The following P2RX7 variants were observed in gnomAD, a reference collection of about 807,000 sequenced individuals.
P2RX7 encodes purinergic receptor P2X 7.
P2RX7 carries 62 observed loss-of-function variants against 71.6 expected under a neutral mutation model. The ratio of observed to expected loss-of-function variants is 0.87; its 90% CI spans 0.71 to 1.07. The LOEUF (loss-of-function observed/expected upper bound fraction) is 1.07, where lower values mean the gene tolerates loss of function less well. Ranked by LOEUF, P2RX7 falls within the 50% of genes least tolerant of loss-of-function variation. The pLI, the probability that P2RX7 is intolerant of heterozygous loss-of-function variation, is 0.00. For missense variants in P2RX7, 686 were observed against 748.5 expected, an observed-to-expected ratio of 0.92 and a Z score of 0.97; for synonymous variants, 299 against 283.3, an observed-to-expected ratio of 1.06 and a Z score of -0.56.
intron 2 of P2RX7, among the ~76,000 whole-genome samples, 166 bp from the exon 3 acceptor site, chr12:121,155,913 C>A (rs768080706): frequency 6.6e-6 from 1 of 152,212 alleles, no homozygotes; most frequent in African/African-American, 2.4e-5. Context: ...CAGGGCTGCT[C>A]GTCCAGCTTT....
At position 121,154,754 on chromosome 12, in the gene P2RX7, C is replaced by A; in HGVS notation, c.126-31C>A. The A allele has an allele frequency of 6.8e-7, 1 of 1,470,132 alleles. No homozygotes were observed. Among genetic ancestry groups the A allele is most frequent in the South Asian group, 1.1e-5 (1 of 88,168 alleles). 91.1% of individuals were successfully genotyped at this position (1,470,132 alleles called of 1,614,324 possible). On this transcript the variant is annotated intron_variant, in intron 1 of 12. Coordinates refer to ENST00000328963, the MANE Select transcript of P2RX7 (RefSeq NM_002562.6). The surrounding 1 kb of genome is among the most constrained non-coding windows in gnomAD (Gnocchi z 4.2). ...ATCCCAACCCGCTGTGCTATGCCTC[C>A]CGTTGATGCTTTCCCATGTCTGCCA... is the stretch of plus-strand genomic sequence containing the variant.
In P2RX7 at chr12:121,185,680, T is replaced by A. The variant is rs1884816434; in HGVS notation, c.*878T>A. 6.6e-6 allele frequency: 1 copy of A among 152,610 alleles called. No individual in the cohort carries two copies. Among genetic ancestry groups the A allele is most frequent in the South Asian group, 2.1e-4 (1 of 4,826 alleles). The allele number at this position is 152,610 out of a possible 1,614,324, so 9.5% of individuals were successfully genotyped here. ...GAAGTGACATTGTGTCAGTTTCAGA[T>A]CCTGATCTTAAGAGGCTGACAGCTT... On this transcript the variant is annotated 3_prime_UTR_variant, in exon 13 of 13. Transcript: ENST00000328963.
intron 1 of P2RX7, among the ~76,000 whole-genome samples, chr12:121,152,888 C>T (rs1324293994): frequency 6.6e-6 from 1 of 152,238 alleles, no homozygotes; most frequent in Admixed American, 6.5e-5. Flanking sequence ...TAGGTTATTT[C>T]CTGCTTTCCC....
At chr12:121,160,219 C>T (rs1250870065) in intron 3 of P2RX7, among the ~76,000 whole-genome samples, 1 of 151,872 alleles carries the variant, frequency 6.6e-6, no homozygotes, top group East Asian at 1.9e-4. Context: ...GCAATCTCAG[C>T]TCACTGCAAC....
intron 1 of P2RX7, among the ~76,000 whole-genome samples, chr12:121,144,322 T>C (rs1875667757): frequency 6.6e-6 from 1 of 152,170 alleles, no homozygotes; most frequent in South Asian, 2.1e-4. Context: ...CTCAGCTTCC[T>C]GAGTAGCTGG....
At chr12:121,176,535 G>A (rs2686377) in intron 9 of P2RX7, among the ~76,000 whole-genome samples, 53,871 of 151,564 alleles carry the variant, frequency 0.36, 9,859 homozygotes, top group Non-Finnish European at 0.4. Context: ...GGTGGATCAT[G>A]AGGTCAGGAG....
In P2RX7 at chr12:121,187,259, AC is replaced by A. The variant is rs916738103; in HGVS notation, c.*2459del. ...GTTACCATTTTGATACCTTTTAAAAACCAGCAGCTTTCTACTATATTCATGT... is the reference window on the plus strand; with the variant it reads ...GTTACCATTTTGATACCTTTTAAAAACAGCAGCTTTCTACTATATTCATGT... On this transcript the variant is annotated 3_prime_UTR_variant, in exon 13 of 13. Coordinates refer to ENST00000328963, the MANE Select transcript of P2RX7 (RefSeq NM_002562.6). The A allele has an allele frequency of 1.4e-4, 22 of 152,338 alleles. No homozygotes were observed. The highest frequency in any genetic ancestry group is 5.1e-4 in the African/African-American group (21 of 41,578). The allele number at this position is 152,338 out of a possible 1,614,324, so 9.4% of individuals were successfully genotyped here. A position where few individuals can be genotyped will look rare whatever the true frequency, so the allele number is the denominator to read the frequency against.
chr12:121,163,618 T>C (rs571579076), intron 5 of P2RX7, among the ~76,000 whole-genome samples: 2 of 140,876 alleles, frequency 1.4e-5, no homozygotes, highest in Non-Finnish European at 3.0e-5. Context: ...GATAGATAGA[T>C]AGATAGATAG....
chr12:121,152,453 A>G (rs1341884364), intron 1 of P2RX7, among the ~76,000 whole-genome samples: 1 of 152,022 alleles, frequency 6.6e-6, no homozygotes, highest in Non-Finnish European at 1.5e-5. Flanking sequence ...TGTGGCCTCC[A>G]GAGTAGCTGG....
intron 8 of P2RX7, among the ~76,000 whole-genome samples, chr12:121,173,226 C>T (rs1016068338): frequency 3.3e-5 from 5 of 152,204 alleles, no homozygotes; most frequent in African/African-American, 1.2e-4. Flanking sequence ...TACTCTCTCA[C>T]TCAGGCCGGA....
intron 5 of P2RX7, among the ~76,000 whole-genome samples, chr12:121,165,053 A>T (rs188724194): frequency 1.6e-3 from 243 of 152,240 alleles, no homozygotes; most frequent in Middle Eastern, 6.8e-3. Flanking sequence ...CGCCCCCATG[A>T]TTCAGTCACC....
Position 121,184,383 on chromosome 12 carries a change from G to A in P2RX7, c.1369G>A (p.Glu457Lys), listed in dbSNP as rs768324043. 1.9e-6 allele frequency: 3 copies of A among 1,614,144 alleles called. No homozygotes were observed. The highest frequency in any genetic ancestry group is 2.5e-6 in the Non-Finnish European group (3 of 1,180,032). ...HDTPPIPGQP[E>K]EIQLLRKEAT... ...CACACCCCCGATTCCTGGACAACCA[G>A]AGGAGATACAGCTGCTTAGAAAGGA... is the stretch of plus-strand genomic sequence containing the variant. The change falls in exon 13 of 13, where the codon GAG becomes AAG. Residue 457 changes from glutamate to lysine, a missense_variant. Coordinates refer to ENST00000328963, the MANE Select transcript of P2RX7 (RefSeq NM_002562.6).
chr12:121,150,359 G>A (rs540330054), intron 1 of P2RX7, among the ~76,000 whole-genome samples: 31 of 152,350 alleles, frequency 2.0e-4, no homozygotes, highest in African/African-American at 7.2e-4. Context: ...GGATAAATAT[G>A]AGAGATCAGA....
intron 4 of P2RX7, among the ~76,000 whole-genome samples, 173 bp downstream of exon 4, chr12:121,161,147 G>C (rs1302148601): frequency 6.6e-6 from 1 of 152,176 alleles, no homozygotes; most frequent in African/African-American, 2.4e-5. Flanking sequence ...CAGACCAGCT[G>C]CTGACTGTAA....
At chr12:121,167,730 C>G in intron 8 of P2RX7, 106 bp downstream of exon 8, 1 of 1,015,756 alleles carries the variant, frequency 9.8e-7, no homozygotes, top group East Asian at 2.9e-5. Flanking sequence ...TGAAAAAAGA[C>G]TTTCTCTAAG....
At chr12:121,141,856 T>G (rs1210089655) in intron 1 of P2RX7, among the ~76,000 whole-genome samples, 1 of 152,114 alleles carries the variant, frequency 6.6e-6, no homozygotes, top group African/African-American at 2.4e-5. Context: ...GTGTTATGCG[T>G]TCCACCACAC....
chr12:121,136,431 G>A (rs973713855), intron 1 of P2RX7, among the ~76,000 whole-genome samples: 33 of 151,314 alleles, frequency 2.2e-4, no homozygotes, highest in African/African-American at 4.6e-4. Flanking sequence ...TGATCCTCCC[G>A]CCTCATCCTC....
intron 3 of P2RX7, among the ~76,000 whole-genome samples, chr12:121,159,644 C>G (rs1879250276): frequency 6.6e-6 from 1 of 152,056 alleles, no homozygotes; most frequent in Non-Finnish European, 1.5e-5. Flanking sequence ...TCTGGCTTCC[C>G]CAAGACTGGC....
At chr12:121,167,730 CTT>C (rs1158279412) in intron 8 of P2RX7, 106 bp downstream of exon 8, 1 of 1,015,638 alleles carries the variant, frequency 9.8e-7, no homozygotes, top group Non-Finnish European at 1.4e-6. Flanking sequence ...TGAAAAAAGA[CTT>C]TCTCTAAGAA....
Sources: gnomAD v4.1 joint callset for allele counts (sites outside exome capture counted in the v4.1 genomes callset) on GRCh38, gnomAD v4.1.1 for gene constraint, Gnocchi (gnomAD v3.1) non-coding constraint, MANE v1.5 for transcripts, NCBI Gene and HGNC (gene_info 2026-07-23, HGNC 2026-07-21) for gene names.